NEDD1: variants seen among roughly 807,000 people sequenced by gnomAD.
NEDD1 encodes protein NEDD1.
A neutral mutation model predicts 74.0 loss-of-function variants in NEDD1; 33 were observed. The observed-to-expected ratio is 0.45, with a 90% confidence interval of 0.34 to 0.60. The LOEUF is 0.60. Among genes scored for constraint, NEDD1 ranks in the 20% least tolerant of loss-of-function variants. NEDD1 has a pLI of 0.01. For missense variants in NEDD1, 746 were observed against 776.5 expected (o/e 0.96, Z 0.47); for synonymous variants, 250 against 264.4 (o/e 0.95, Z 0.53).
intron 6 of NEDD1, among the ~76,000 whole-genome samples, chr12:96,930,211 A>ACACTCT (rs1416917962): frequency 1.8e-4 from 16 of 89,276 alleles, no homozygotes; most frequent in African/African-American, 4.7e-4. Context: ...ACACACACAC[A>ACACTCT]CTCTCTCTCT....
chr12:96,940,603 G>A, intron 10 of NEDD1, 66 bp downstream of exon 10: 1 of 1,136,572 alleles, frequency 8.8e-7, no homozygotes, highest in South Asian at 1.7e-5. Context: ...GCTAAAAGAT[G>A]TGAATAATAG....
intron 13 of NEDD1, 141 bp from the exon 14 acceptor site, chr12:96,945,552 G>A (rs1878109693): frequency 5.1e-6 from 3 of 589,694 alleles, no homozygotes; most frequent in Non-Finnish European, 9.0e-6. Context: ...TTGTATTCCA[G>A]ACAGTGAATT....
chr12:96,941,834 A>G (rs1380834808), intron 10 of NEDD1, among the ~76,000 whole-genome samples: 1 of 152,166 alleles, frequency 6.6e-6, no homozygotes. Context: ...GTTCCAAAGT[A>G]TTGATAAGGA....
chr12:96,921,867 C>G (rs888196446), intron 6 of NEDD1, among the ~76,000 whole-genome samples: 9 of 151,524 alleles, frequency 5.9e-5, no homozygotes, highest in African/African-American at 1.9e-4. Flanking sequence ...CCTCCTGCCT[C>G]AGTCTCCCAA....
At chr12:96,924,183 T>G (rs1221555150) in intron 6 of NEDD1, among the ~76,000 whole-genome samples, 1 of 152,238 alleles carries the variant, frequency 6.6e-6, no homozygotes, top group African/African-American at 2.4e-5. Flanking sequence ...TAACTGTATA[T>G]GTTAGTTGTA....
chr12:96,940,573 T>C, intron 10 of NEDD1, 36 bp downstream of exon 10: 2 of 1,492,146 alleles, frequency 1.3e-6, no homozygotes, highest in African/African-American at 2.8e-5. Context: ...CTCTTGCTGG[T>C]AGTTAATATT....
At chr12:96,946,982 A>G (rs551069473) in intron 14 of NEDD1, among the ~76,000 whole-genome samples, 13 of 152,234 alleles carry the variant, frequency 8.5e-5, no homozygotes, top group Admixed American at 3.3e-4. Flanking sequence ...GATAGCCGCA[A>G]TCCTTCTATC....
chr12:96,915,966 G>T (rs1164966149), intron 4 of NEDD1, among the ~76,000 whole-genome samples: 2 of 152,170 alleles, frequency 1.3e-5, no homozygotes, highest in Admixed American at 1.3e-4. Context: ...AAGTGTGGTG[G>T]CACTTAAGTT....
chr12:96,944,518 A>C, intron 12 of NEDD1, 121 bp from the exon 13 acceptor site: 2 of 504,222 alleles, frequency 4.0e-6, no homozygotes, highest in South Asian at 4.0e-5. Flanking sequence ...ATCTCTTCCT[A>C]TTTTCCTTCA....
intron 6 of NEDD1, among the ~76,000 whole-genome samples, chr12:96,929,623 A>ATATATATT (rs773021014): frequency 1.6e-5 from 2 of 126,176 alleles, no homozygotes; most frequent in African/African-American, 6.1e-5. Flanking sequence ...ATATATATAT[A>ATATATATT]TTTTTTTTTT....
chr12:96,925,004 A>C (rs1209423107), intron 6 of NEDD1: 1 of 291,794 alleles, frequency 3.4e-6, no homozygotes, highest in African/African-American at 2.3e-5. Flanking sequence ...AGATTTTACT[A>C]TTTATGTTGG....
rs1477002559 is a variant in NEDD1 at position 96,934,993 on chromosome 12, G to A, written c.507G>A (p.Lys169=). 3 of 1,602,112 alleles carry A rather than the reference G, an allele frequency of 1.9e-6. No homozygotes were observed. The highest frequency in any genetic ancestry group is 4.5e-5 in the East Asian group (2 of 44,804). Reference sequence around the variant, plus strand: ...TTTTATAGTCTGTTCGGCACTTGAAGTACTCCTTGTTTAAGAAATCACTAC... The same window carrying A: ...TTTTATAGTCTGTTCGGCACTTGAAATACTCCTTGTTTAAGAAATCACTAC... ...HGSNQSVRHL[K]YSLFKKSLLG... is the part of the protein sequence containing the mutation. Residue 169 remains lysine, a synonymous_variant, in exon 7 of 16, where the codon AAG becomes AAA. Coordinates refer to ENST00000266742, the MANE Select transcript of NEDD1 (RefSeq NM_152905.4).
chr12:96,913,481 C>T (rs1277223610), intron 4 of NEDD1, among the ~76,000 whole-genome samples: 1 of 152,042 alleles, frequency 6.6e-6, no homozygotes, highest in Non-Finnish European at 1.5e-5. Context: ...TCAAGCGATT[C>T]TCCTGCCTCA....
chr12:96,933,291 A>T (rs1302182204), intron 6 of NEDD1, among the ~76,000 whole-genome samples: 1 of 152,128 alleles, frequency 6.6e-6, no homozygotes, highest in African/African-American at 2.4e-5. Context: ...CTACTTGTGT[A>T]TTTAGTCTAA....
chr12:96,926,987 A>T (rs1875771668), intron 6 of NEDD1, among the ~76,000 whole-genome samples: 2 of 52,970 alleles, frequency 3.8e-5, no homozygotes, highest in African/African-American at 1.1e-4. Flanking sequence ...AAAAAAAAAA[A>T]TTGTGTGTGT....
chr12:96,915,020 T>C (rs1218091887), intron 4 of NEDD1, among the ~76,000 whole-genome samples: 1 of 152,240 alleles, frequency 6.6e-6, no homozygotes, highest in Non-Finnish European at 1.5e-5. Flanking sequence ...TTGATAGTTC[T>C]TAGCAAACTG....
chr12:96,925,898 G>A (rs1307808426), intron 6 of NEDD1, among the ~76,000 whole-genome samples: 3 of 152,148 alleles, frequency 2.0e-5, no homozygotes, highest in Non-Finnish European at 4.4e-5. Context: ...GATTTACGTG[G>A]TAAGTCCCAC....
intron 10 of NEDD1, 107 bp downstream of exon 10, chr12:96,940,644 T>C: frequency 2.8e-6 from 2 of 719,574 alleles, no homozygotes; most frequent in South Asian, 6.8e-5. Context: ...CGGATCAGTT[T>C]GCTAATTTTC....
intron 4 of NEDD1, among the ~76,000 whole-genome samples, chr12:96,916,303 G>A (rs951493410): frequency 6.8e-6 from 1 of 147,590 alleles, no homozygotes; most frequent in African/African-American, 2.5e-5. Context: ...TGTGCACATT[G>A]TGCAGGTTAG....
Sources: gnomAD v4.1 joint callset for allele counts (sites outside exome capture counted in the v4.1 genomes callset) on GRCh38, gnomAD v4.1.1 for gene constraint, MANE v1.5 for transcripts, NCBI Gene and HGNC (gene_info 2026-07-23, HGNC 2026-07-21) for gene names.